The following HPCAL1 variants were observed in gnomAD, a reference collection of about 807,000 sequenced individuals.
HPCAL1 encodes hippocalcin like 1, also known as hippocalcin-like protein 1.
A neutral mutation model predicts 17.1 loss-of-function variants in HPCAL1; 8 were observed. That is an observed-to-expected ratio of 0.47 (90% confidence interval 0.27 to 0.84). The LOEUF is 0.84. Among genes scored for constraint, HPCAL1 ranks in the 40% least tolerant of loss-of-function variants. The probability of loss-of-function intolerance (pLI) is 0.13; values close to 1 mark genes in which losing one functional copy is unlikely to be tolerated. For missense variants in HPCAL1, 165 were observed against 271.1 expected, an observed-to-expected ratio of 0.61 and a Z score of 2.75; for synonymous variants, 112 against 111.4, an observed-to-expected ratio of 1.01 and a Z score of -0.03.
intron 1 of HPCAL1, among the ~76,000 whole-genome samples, chr2:10,320,329 G>A (rs999284825): frequency 5.3e-5 from 8 of 152,168 alleles, no homozygotes; most frequent in African/African-American, 1.9e-4. Flanking sequence ...GGAGCCTGGT[G>A]GGGGGTGATT....
At chr2:10,364,522 C>T (rs368784010) in intron 1 of HPCAL1, among the ~76,000 whole-genome samples, 6 of 151,240 alleles carry the variant, frequency 4.0e-5, no homozygotes, top group East Asian at 1.9e-4. Context: ...CTGCTTCCCT[C>T]GGGATGGTTT....
rs1205839653 is a variant in HPCAL1 at position 10,362,413 on chromosome 2, A to C, written c.-110-34422A>C. ...TGAGTCCTGGCTCCAGAGAGAGGCC[A>C]GCCTGAGCTCCTCCATGTCCTACTC... On this transcript the variant is annotated intron_variant, in intron 1 of 4. Coordinates refer to ENST00000307845, the MANE Select transcript of HPCAL1 (RefSeq NM_002149.4). The surrounding 1 kb of genome is among the most constrained non-coding windows in gnomAD (Gnocchi z 5.0). 6.6e-6 allele frequency among the ~76,000 whole-genome samples: 1 copy of C among 152,194 alleles called. No homozygotes were observed. The highest frequency in any genetic ancestry group is 1.5e-5 in the Non-Finnish European group (1 of 68,026).
chr2:10,336,397 G>A (rs1041122073), intron 1 of HPCAL1, among the ~76,000 whole-genome samples: 2 of 152,186 alleles, frequency 1.3e-5, no homozygotes, highest in African/African-American at 4.8e-5. Context: ...TATTGAGAAT[G>A]TTCTTCTATG....
At chr2:10,320,772 A>G (rs1663626235) in intron 1 of HPCAL1, among the ~76,000 whole-genome samples, 1 of 152,186 alleles carries the variant, frequency 6.6e-6, no homozygotes, top group South Asian at 2.1e-4. Flanking sequence ...ATTCATTCAC[A>G]TAGTACCTAG....
rs551977066 is a variant in HPCAL1, at chr2:10,342,735, T to G, written c.-111+39558T>G. On this transcript the variant is annotated intron_variant, in intron 1 of 4. Coordinates refer to ENST00000307845, the MANE Select transcript of HPCAL1 (RefSeq NM_002149.4). The surrounding 1 kb of genome is among the most constrained non-coding windows in gnomAD (Gnocchi z 4.1). The stretch of plus-strand genomic sequence containing the variant: ...TTGTTTTGTCACCCAGCCGGACTCC[T>G]GGGCAAAGAGAGGCACAATCTGTTC... Among the ~76,000 whole-genome samples the G allele has an allele frequency of 3.9e-5, 6 of 152,302 alleles. No homozygotes were observed. Among genetic ancestry groups the G allele is most frequent in the African/African-American group, 1.4e-4 (6 of 41,550 alleles).
intron 3 of HPCAL1, among the ~76,000 whole-genome samples, chr2:10,420,433 C>T (rs892262503): frequency 4.6e-5 from 7 of 151,956 alleles, no homozygotes; most frequent in African/African-American, 7.3e-5. Flanking sequence ...TAGGCTCAAG[C>T]GATCTGCCCG....
At chr2:10,355,718 T>C (rs1572705739) in intron 1 of HPCAL1, among the ~76,000 whole-genome samples, 1 of 151,892 alleles carries the variant, frequency 6.6e-6, no homozygotes, top group East Asian at 1.9e-4. Flanking sequence ...CTCAAGGAGA[T>C]TGGGGAGCAG....
chr2:10,303,561 C>G (rs180791985), intron 1 of HPCAL1: 1 of 152,378 alleles, frequency 6.6e-6, no homozygotes, highest in Non-Finnish European at 1.5e-5. Context: ...CCCAGAGCCC[C>G]CTGTCCCTGC....
At chr2:10,418,446 C>CAAAAAAAAA (rs58884767) in intron 2 of HPCAL1, among the ~76,000 whole-genome samples, 1 of 60,188 alleles carries the variant, frequency 1.7e-5, no homozygotes. Context: ...GACTCCATCT[C>CAAAAAAAAA]AAAAAAAAAA....
chr2:10,355,873 G>A (rs564261890), intron 1 of HPCAL1, among the ~76,000 whole-genome samples: 1 of 152,200 alleles, frequency 6.6e-6, no homozygotes, highest in Non-Finnish European at 1.5e-5. Context: ...TCAGAAACTG[G>A]TACCTACTTT....
chr2:10,388,203 G>A (rs1274177924), intron 1 of HPCAL1, among the ~76,000 whole-genome samples: 4 of 152,204 alleles, frequency 2.6e-5, no homozygotes, highest in Non-Finnish European at 5.9e-5. Flanking sequence ...CGGATTTATT[G>A]TTCCCTGCCT....
At chr2:10,305,912 C>T (rs905815580) in intron 1 of HPCAL1, among the ~76,000 whole-genome samples, 6 of 152,212 alleles carry the variant, frequency 3.9e-5, no homozygotes, top group African/African-American at 9.6e-5. Flanking sequence ...CCTGTTGAAG[C>T]GCTGGTGCTC....
intron 1 of HPCAL1, among the ~76,000 whole-genome samples, chr2:10,340,962 A>G (rs1047281611): frequency 2.6e-5 from 4 of 152,204 alleles, no homozygotes; most frequent in African/African-American, 9.6e-5. Context: ...CCTTCCTCAT[A>G]GAATATCATT....
chr2:10,337,114 GT>G (rs1047733059), intron 1 of HPCAL1, among the ~76,000 whole-genome samples: 7 of 152,122 alleles, frequency 4.6e-5, no homozygotes, highest in Non-Finnish European at 7.4e-5. Flanking sequence ...GTGCGTGTCA[GT>G]TCCCCTCACA....
intron 1 of HPCAL1, among the ~76,000 whole-genome samples, chr2:10,357,899 C>T (rs1401740284): frequency 6.6e-6 from 1 of 152,124 alleles, no homozygotes; most frequent in Non-Finnish European, 1.5e-5. Flanking sequence ...GGGAGGGGGC[C>T]ACACCTGGCC....
rs1440262217 is a variant in HPCAL1, at chr2:10,419,787, C to T, written c.30C>T (p.Pro10=). 1.2e-6 allele frequency: 2 copies of T among 1,612,756 alleles called. No individual in the cohort carries two copies. Among genetic ancestry groups the T allele is most frequent in the Non-Finnish European group, 1.7e-6 (2 of 1,179,448 alleles). MGKQNSKLR[P]EVLQDLRENT... Reference sequence around the variant, plus strand: ...GCAAACAGAACAGCAAGCTGCGGCCCGAGGTGCTGCAGGACCTGCGGGAGA... The same window carrying T: ...GCAAACAGAACAGCAAGCTGCGGCCTGAGGTGCTGCAGGACCTGCGGGAGA... The change falls in exon 3 of 5, where the codon CCC becomes CCT. Residue 10 remains proline (P), a synonymous_variant. Transcript: ENST00000307845. The surrounding 1 kb of genome is among the most constrained non-coding windows in gnomAD (Gnocchi z 5.0).
chr2:10,418,308 C>T (rs796489438), intron 2 of HPCAL1, among the ~76,000 whole-genome samples: 28 of 151,788 alleles, frequency 1.8e-4, no homozygotes, highest in African/African-American at 6.5e-4. Flanking sequence ...GTGGTGCATG[C>T]CTATAATCCT....
rs1445895663 is a variant in HPCAL1, at chr2:10,367,003, G to A, written c.-110-29832G>A. On this transcript the variant is annotated intron_variant, in intron 1 of 4. Coordinates refer to ENST00000307845, the MANE Select transcript of HPCAL1 (RefSeq NM_002149.4). This position sits in a 1 kb window ranked among gnomAD's most constrained non-coding sequence, Gnocchi z 4.4. Reference sequence around the variant, plus strand: ...GTTGGGACAAAGACGTTGGCTGGGCGAGGAGGCTGCCTGAGATCCCACAGT... The same window carrying A: ...GTTGGGACAAAGACGTTGGCTGGGCAAGGAGGCTGCCTGAGATCCCACAGT... Among the ~76,000 whole-genome samples, 4 of 152,106 alleles carry A rather than the reference G, an allele frequency of 2.6e-5. No individual in the cohort carries two copies. Among genetic ancestry groups the A allele is most frequent in the African/African-American group, 4.8e-5 (2 of 41,426 alleles).
chr2:10,305,406 G>T (rs6714483), intron 1 of HPCAL1, among the ~76,000 whole-genome samples: 11,615 of 152,218 alleles, frequency 0.076, 478 homozygotes, highest in Middle Eastern at 0.092. Context: ...TAATTACTGA[G>T]CTCTTGAGGT....
Sources: gnomAD v4.1 joint callset for allele counts (sites outside exome capture counted in the v4.1 genomes callset) on GRCh38, gnomAD v4.1.1 for gene constraint, Gnocchi (gnomAD v3.1) non-coding constraint, MANE v1.5 for transcripts, NCBI Gene and HGNC (gene_info 2026-07-23, HGNC 2026-07-21) for gene names.